FBXL7: variants seen among roughly 807,000 people sequenced by gnomAD.
The protein encoded by FBXL7 is F-box/LRR-repeat protein 7.
A neutral mutation model predicts 38.3 loss-of-function variants in FBXL7; 12 were observed. The observed-to-expected ratio is 0.31, with a 90% CI of 0.20 to 0.51. FBXL7 has a LOEUF of 0.51. Among genes scored for constraint, FBXL7 ranks in the 20% least tolerant of loss-of-function variants. The pLI, the probability that FBXL7 is intolerant of heterozygous loss-of-function variation, is 0.98. For missense variants in FBXL7, 567 were observed against 676.4 expected, an observed-to-expected ratio of 0.84 and a Z score of 1.79; for synonymous variants, 297 against 300.9, an observed-to-expected ratio of 0.99 and a Z score of 0.13.
At chr5:15,530,391 G>A (rs1271645564) in intron 1 of FBXL7, among the ~76,000 whole-genome samples, 1 of 152,020 alleles carries the variant, frequency 6.6e-6, no homozygotes, top group African/African-American at 2.4e-5. Flanking sequence ...TACATAATGA[G>A]GCTTAGTACA....
chr5:15,733,899 G>C (rs1163073806), intron 2 of FBXL7, among the ~76,000 whole-genome samples: 1 of 152,156 alleles, frequency 6.6e-6, no homozygotes, highest in East Asian at 1.9e-4. Context: ...ACAAGGTCAG[G>C]AGTTCAAGAC....
intron 2 of FBXL7, among the ~76,000 whole-genome samples, chr5:15,718,193 G>A (rs1449018280): frequency 6.6e-6 from 1 of 152,106 alleles, no homozygotes; most frequent in African/African-American, 2.4e-5. Flanking sequence ...AATGAGGAGA[G>A]GGAGAGAGAG....
Position 15,528,063 on chromosome 5 carries a change from G to C in FBXL7, c.37+27350G>C, listed in dbSNP as rs183782238. 9.2e-5 allele frequency among the ~76,000 whole-genome samples: 14 copies of C among 152,206 alleles called. 1 individual carries two copies. The East Asian group carries it at 2.7e-3, about 29-fold the overall frequency. ...CTAATTATTTGGATATGCATTTCCAGTTTCTACTTGGTTCCTTCTTCGAGT... is the reference window on the plus strand; with the variant it reads ...CTAATTATTTGGATATGCATTTCCACTTTCTACTTGGTTCCTTCTTCGAGT... On this transcript the variant is annotated intron_variant, in intron 1 of 3. Transcript: ENST00000504595.
chr5:15,792,176 T>C (rs1185014363), intron 2 of FBXL7, among the ~76,000 whole-genome samples: 1 of 152,162 alleles, frequency 6.6e-6, no homozygotes, highest in East Asian at 1.9e-4. Flanking sequence ...CCTGACATCG[T>C]AGCTGTCAAG....
chr5:15,793,394 T>C (rs1309814559), intron 2 of FBXL7, among the ~76,000 whole-genome samples: 2 of 152,170 alleles, frequency 1.3e-5, no homozygotes, highest in African/African-American at 2.4e-5. Flanking sequence ...GCTCCTATCA[T>C]TGCCTTGTCT....
At chr5:15,559,594 C>T (rs967421413) in intron 1 of FBXL7, among the ~76,000 whole-genome samples, 3 of 152,094 alleles carry the variant, frequency 2.0e-5, no homozygotes, top group Non-Finnish European at 4.4e-5. Context: ...ACTGGTTTTC[C>T]ACATGTTCGA....
At chr5:15,506,406 G>A (rs1329056284) in intron 1 of FBXL7, among the ~76,000 whole-genome samples, 1 of 152,010 alleles carries the variant, frequency 6.6e-6, no homozygotes, top group Non-Finnish European at 1.5e-5. Flanking sequence ...TTAAAACTTA[G>A]GAATTGTCTA....
intron 1 of FBXL7, among the ~76,000 whole-genome samples, chr5:15,594,839 G>A (rs1356326200): frequency 2.6e-5 from 4 of 152,160 alleles, no homozygotes; most frequent in Admixed American, 6.5e-5. Context: ...CAGGAGAAAC[G>A]CTGTCTTCTC....
At chr5:15,559,075 A>ATGTT (rs983287714) in intron 1 of FBXL7, among the ~76,000 whole-genome samples, 21 of 152,354 alleles carry the variant, frequency 1.4e-4, no homozygotes, top group African/African-American at 4.6e-4. Flanking sequence ...CAGTAGTAGT[A>ATGTT]TGTTTGTTTG....
At chr5:15,752,382 A>G (rs954757084) in intron 2 of FBXL7, among the ~76,000 whole-genome samples, 5 of 152,224 alleles carry the variant, frequency 3.3e-5, no homozygotes, top group Non-Finnish European at 7.3e-5. Flanking sequence ...TTCAGTGGAC[A>G]GAGCTAAGTT....
At chr5:15,814,985 C>T (rs1332573722) in intron 2 of FBXL7, among the ~76,000 whole-genome samples, 1 of 152,160 alleles carries the variant, frequency 6.6e-6, no homozygotes, top group Non-Finnish European at 1.5e-5. Flanking sequence ...TGGTGAGCCC[C>T]TCTCTGATAA....
chr5:15,657,430 C>A (rs542276792), intron 2 of FBXL7, among the ~76,000 whole-genome samples: 1 of 152,072 alleles, frequency 6.6e-6, no homozygotes, highest in Non-Finnish European at 1.5e-5. Context: ...TAGAACAAAT[C>A]GAGATAATTT....
intron 2 of FBXL7, among the ~76,000 whole-genome samples, chr5:15,631,137 G>A (rs1315465903): frequency 1.3e-5 from 2 of 151,918 alleles, no homozygotes; most frequent in South Asian, 2.1e-4. Context: ...ATCCCAACAG[G>A]GTTTTAATGT....
At chr5:15,766,284 T>A (rs1354123179) in intron 2 of FBXL7, among the ~76,000 whole-genome samples, 1 of 152,194 alleles carries the variant, frequency 6.6e-6, no homozygotes, top group African/African-American at 2.4e-5. Flanking sequence ...CAGTATGTCT[T>A]AAGCATGAGT....
intron 2 of FBXL7, among the ~76,000 whole-genome samples, chr5:15,679,536 A>G (rs1283646583): frequency 6.8e-6 from 1 of 146,360 alleles, no homozygotes; most frequent in African/African-American, 2.5e-5. Context: ...GGGGACTATT[A>G]GCAGCCATAA....
chr5:15,509,310 TCTC>T (rs890402672), intron 1 of FBXL7, among the ~76,000 whole-genome samples: 5 of 152,134 alleles, frequency 3.3e-5, no homozygotes, highest in African/African-American at 1.2e-4. Flanking sequence ...GAAATTCAGA[TCTC>T]CTCTTTCATC....
At chr5:15,617,626 A>G (rs1056886134) in intron 2 of FBXL7, among the ~76,000 whole-genome samples, 24 of 152,228 alleles carry the variant, frequency 1.6e-4, no homozygotes, top group African/African-American at 5.5e-4. Context: ...TTTAGTAGAA[A>G]TGGGGTTTTA....
chr5:15,741,501 A>G (rs983608805), intron 2 of FBXL7, among the ~76,000 whole-genome samples: 3 of 152,174 alleles, frequency 2.0e-5, no homozygotes, highest in African/African-American at 7.2e-5. Flanking sequence ...ATGGGAGGCC[A>G]TTCTTTGACC....
intron 2 of FBXL7, among the ~76,000 whole-genome samples, chr5:15,642,839 T>C (rs1250500641): frequency 2.0e-5 from 3 of 152,172 alleles, no homozygotes; most frequent in African/African-American, 7.2e-5. Flanking sequence ...AACAACAATT[T>C]GCCTACCTGT....
Sources: allele counts gnomAD v4.1 joint callset (sites outside exome capture counted in the v4.1 genomes callset), GRCh38; gene constraint gnomAD v4.1.1; transcripts MANE v1.5; gene names NCBI Gene and HGNC (gene_info 2026-07-23, HGNC 2026-07-21).